MARCHF7: variants seen among roughly 807,000 people sequenced by gnomAD.
MARCHF7 encodes E3 ubiquitin-protein ligase MARCHF7.
In MARCHF7, 20 loss-of-function variants were observed where a neutral mutation model predicts 76.5. The ratio of observed to expected loss-of-function variants is 0.26; its 90% CI spans 0.18 to 0.38. The LOEUF is 0.38. Ranked by LOEUF, MARCHF7 falls within the 10% of genes least tolerant of loss-of-function variation. The pLI is 1.00. For synonymous variants in MARCHF7, 295 were observed against 293.0 expected (o/e 1.01, Z -0.07); for missense variants, 797 against 812.9 (o/e 0.98, Z 0.24).
rs1477039043 is a variant in MARCHF7 at position 159,757,027 on chromosome 2, G to A, written c.1784-2199G>A. ...CCTGCCTCAGCCTCCTAAGTTAGCT[G>A]GGATTATAGGTGCACACCACCACCC... On this transcript the variant is annotated intron_variant, in intron 8 of 11. Coordinates refer to ENST00000409175, the MANE Select transcript of MARCHF7 (RefSeq NM_001282805.2). Among the ~76,000 whole-genome samples the A allele has an allele frequency of 5.9e-5, 9 of 152,078 alleles. No homozygotes were observed. In the East Asian group the frequency reaches 1.4e-3, roughly 23 times the overall value.
chr2:159,763,184 T>C (rs541288893), intron 10 of MARCHF7, among the ~76,000 whole-genome samples, 191 bp downstream of exon 10: 88 of 152,354 alleles, frequency 5.8e-4, no homozygotes, highest in Non-Finnish European at 1.0e-3. Flanking sequence ...CCTGATTTTC[T>C]CATAAAGTTA....
intron 4 of MARCHF7, chr2:159,733,460 A>C (rs1703059846): frequency 4.5e-6 from 4 of 895,404 alleles, no homozygotes; most frequent in Middle Eastern, 5.6e-4. Context: ...CTGGTCTCGA[A>C]CTTAGGAGAT....
intron 2 of MARCHF7, among the ~76,000 whole-genome samples, 188 bp from the exon 3 acceptor site, chr2:159,715,493 C>G (rs147919360): frequency 0.012 from 1,880 of 152,002 alleles, 29 homozygotes; most frequent in Middle Eastern, 0.031. Context: ...ACTACAGGTG[C>G]GCGCCACCAT....
At chr2:159,755,801 C>T (rs1706223536) in intron 8 of MARCHF7, among the ~76,000 whole-genome samples, 1 of 152,102 alleles carries the variant, frequency 6.6e-6, no homozygotes, top group Non-Finnish European at 1.5e-5. Flanking sequence ...TATGATGGCA[C>T]TGATTTTGAT....
At chr2:159,729,508 TAA>T (rs948017646) in intron 4 of MARCHF7, among the ~76,000 whole-genome samples, 7 of 151,892 alleles carry the variant, frequency 4.6e-5, no homozygotes, top group African/African-American at 1.7e-4. Flanking sequence ...CCGTCTCGAC[TAA>T]AAATACAAAA....
At chr2:159,729,204 A>G (rs1702495320) in intron 4 of MARCHF7, 29 bp downstream of exon 4, 2 of 1,519,252 alleles carry the variant, frequency 1.3e-6, no homozygotes, top group African/African-American at 2.8e-5. Context: ...ATATATGTAT[A>G]CAGCCTTTTT....
In MARCHF7 at chr2:159,748,382, T is replaced by C. The variant is rs1284469040; in HGVS notation, c.1092T>C (p.His364=). Residue 364 remains histidine (H), a synonymous_variant, in exon 7 of 12, where the codon CAT becomes CAC. Transcript: ENST00000409175. ...RWGLSSLSHN[H]SSESDSENFN... ...GTTTGTCATCTCTTAGCCACAATCA[T>C]AGCTCTGAGTCAGATTCAGAAAATT... 2 of 1,613,940 alleles carry C rather than the reference T, an allele frequency of 1.2e-6. No individual in the cohort carries two copies. The highest frequency in any genetic ancestry group is 2.2e-5 in the South Asian group (2 of 91,086).
intron 11 of MARCHF7, among the ~76,000 whole-genome samples, chr2:159,766,496 G>A (rs1023820749): frequency 4.6e-5 from 7 of 152,150 alleles, no homozygotes; most frequent in African/African-American, 1.7e-4. Flanking sequence ...CTGGTTAGAT[G>A]TTTATTTTAG....
chr2:159,743,227 T>G lies in MARCHF7; in HGVS notation c.320T>G (p.Val107Gly), dbSNP rs768025276. ...TNCTTSAGRN[V>G]GNGLNTLSDS... ...TGTACTACCTCAGCTGGGAGAAATG[T>G]TGGAAATGGTTTAAACACATTATCA... Residue 107 changes from valine to glycine, a missense_variant, in exon 5 of 12, where the codon GTT becomes GGT. By Grantham distance (109) the Val-to-Gly change is moderately radical. Coordinates refer to ENST00000409175, the MANE Select transcript of MARCHF7 (RefSeq NM_001282805.2). 1.9e-6 allele frequency: 3 copies of G among 1,613,816 alleles called. No individual in the cohort carries two copies. Among genetic ancestry groups the G allele is most frequent in the African/African-American group, 2.7e-5 (2 of 74,912 alleles).
intron 9 of MARCHF7, among the ~76,000 whole-genome samples, chr2:159,760,708 C>CTTTTTTTTTTTTT (rs34933843): frequency 2.0e-5 from 3 of 147,402 alleles, no homozygotes; most frequent in South Asian, 2.1e-4. Flanking sequence ...CAGTTTTTTC[C>CTTTTTTTTTTTTT]TTTTTTGTTT....
intron 11 of MARCHF7, among the ~76,000 whole-genome samples, chr2:159,765,312 TG>T (rs1159762937): frequency 1.3e-5 from 2 of 152,080 alleles, no homozygotes; most frequent in African/African-American, 4.8e-5. Flanking sequence ...GATTTCTGGC[TG>T]GGATTATAAG....
At chr2:159,725,151 A>G (rs965503497) in intron 3 of MARCHF7, among the ~76,000 whole-genome samples, 2 of 152,170 alleles carry the variant, frequency 1.3e-5, no homozygotes, top group African/African-American at 2.4e-5. Context: ...ATACTTGTGC[A>G]TGTGTCTTTA....
chr2:159,760,715 G>T (rs10929951), intron 9 of MARCHF7, among the ~76,000 whole-genome samples: 128,899 of 149,588 alleles, frequency 0.86, 55,698 homozygotes, highest in African/African-American at 0.92. Flanking sequence ...TTCCTTTTTT[G>T]TTTTTGTTTT....
chr2:159,736,531 T>A (rs1574297184), intron 4 of MARCHF7, among the ~76,000 whole-genome samples: 1 of 152,258 alleles, frequency 6.6e-6, no homozygotes, highest in East Asian at 1.9e-4. Flanking sequence ...ATTGGATACA[T>A]GATTTGCAAA....
At chr2:159,765,718 A>AT (rs1037692776) in intron 11 of MARCHF7, among the ~76,000 whole-genome samples, 6 of 152,090 alleles carry the variant, frequency 3.9e-5, no homozygotes, top group Admixed American at 2.6e-4. Context: ...TAAAACATAG[A>AT]TTTTTGTCAT....
At chr2:159,713,033 C>T (rs1203575244) in intron 1 of MARCHF7, among the ~76,000 whole-genome samples, 2 of 152,192 alleles carry the variant, frequency 1.3e-5, no homozygotes, top group Admixed American at 6.5e-5. Context: ...CGCGTGAGCT[C>T]GCCGGTGAGC....
intron 8 of MARCHF7, among the ~76,000 whole-genome samples, chr2:159,755,459 A>G (rs1706178225): frequency 6.6e-6 from 1 of 152,168 alleles, no homozygotes; most frequent in African/African-American, 2.4e-5. Flanking sequence ...GGGAATTAAG[A>G]TTTGAAAACA....
intron 3 of MARCHF7, among the ~76,000 whole-genome samples, chr2:159,721,440 T>A (rs1032078080): frequency 6.6e-6 from 1 of 152,196 alleles, no homozygotes; most frequent in African/African-American, 2.4e-5. Flanking sequence ...CAGCCACTAT[T>A]AAAATGCCTT....
chr2:159,715,429 C>T (rs369031435), intron 2 of MARCHF7, among the ~76,000 whole-genome samples: 23 of 152,132 alleles, frequency 1.5e-4, no homozygotes, highest in African/African-American at 5.1e-4. Context: ...CTGCTGCAGC[C>T]GCAGTCTCCC....
Sources: gnomAD v4.1 joint callset for allele counts (sites outside exome capture counted in the v4.1 genomes callset) on GRCh38, gnomAD v4.1.1 for gene constraint, MANE v1.5 for transcripts, NCBI Gene and HGNC (gene_info 2026-07-23, HGNC 2026-07-21) for gene names.